The following PRPF38A variants were observed in gnomAD, a reference collection of about 807,000 sequenced individuals.
The protein encoded by PRPF38A is pre-mRNA-splicing factor 38A.
Under a neutral mutation model 46.8 loss-of-function variants are expected in PRPF38A, and 11 were observed. That is an observed-to-expected ratio of 0.24 (90% CI 0.15 to 0.39). The LOEUF is 0.39. Among genes scored for constraint, PRPF38A ranks in the 10% least tolerant of loss-of-function variants. The probability of loss-of-function intolerance (pLI) is 1.00; values close to 1 mark genes in which losing one functional copy is unlikely to be tolerated. For missense variants in PRPF38A, 261 were observed against 407.5 expected (o/e 0.64, Z 3.10); for synonymous variants, 124 against 136.2 (o/e 0.91, Z 0.62).
chr1:52,406,536 AG>A (rs1648003505), intron 2 of PRPF38A, among the ~76,000 whole-genome samples: 1 of 146,736 alleles, frequency 6.8e-6, no homozygotes, highest in African/African-American at 2.8e-5. Flanking sequence ...ATGACATTGG[AG>A]AGGTTACTTA....
At chr1:52,406,733 C>T (rs1240830984) in intron 2 of PRPF38A, among the ~76,000 whole-genome samples, 2 of 152,180 alleles carry the variant, frequency 1.3e-5, no homozygotes, top group African/African-American at 4.8e-5. Flanking sequence ...ATAATAGCTT[C>T]TTATGTGCCA....
At position 52,420,252 on chromosome 1, in the gene PRPF38A, G is replaced by T. The variant is rs1648426810; in HGVS notation, c.*3562G>T. The stretch of plus-strand genomic sequence containing the variant: ...CTTTGGGAAAAAACCGCCCAATAAT[G>T]AAATTCAACTAAAGAAGAAATGAAT... On this transcript the variant is annotated 3_prime_UTR_variant, in exon 10 of 10. Coordinates refer to ENST00000257181, the MANE Select transcript of PRPF38A (RefSeq NM_032864.4). 6.6e-6 allele frequency: 1 copy of T among 152,118 alleles called. No individual in the cohort carries two copies. The highest frequency in any genetic ancestry group is 1.5e-5 in the Non-Finnish European group (1 of 68,010). 9.4% of individuals were successfully genotyped at this position (152,118 alleles called of 1,614,324 possible). A position where few individuals can be genotyped will look rare whatever the true frequency, so the allele number is the denominator to read the frequency against.
chr1:52,414,391 G>A (rs1648233054), intron 6 of PRPF38A, among the ~76,000 whole-genome samples: 1 of 152,162 alleles, frequency 6.6e-6, no homozygotes, highest in Admixed American at 6.5e-5. Context: ...TCATGCAAAT[G>A]TTTTTCCAGT....
At chr1:52,412,986 T>C (rs1442329431) in intron 5 of PRPF38A, among the ~76,000 whole-genome samples, 4 of 152,100 alleles carry the variant, frequency 2.6e-5, no homozygotes, top group Non-Finnish European at 4.4e-5. Context: ...TGGGCAAAAG[T>C]GAGACTCCGT....
rs1047465747 is a variant in PRPF38A at position 52,404,696 on chromosome 1, C to T, written c.-54C>T. On this transcript the variant is annotated 5_prime_UTR_variant, in exon 1 of 10. Transcript: ENST00000257181. Reference sequence around the variant, plus strand: ...ATTCCTCTAGGTGCTTTTTCTGAACCTGGATGTGAGGCATTAAAGGATCCG... The same window carrying T: ...ATTCCTCTAGGTGCTTTTTCTGAACTTGGATGTGAGGCATTAAAGGATCCG... The T allele has an allele frequency of 1.9e-6, 3 of 1,582,248 alleles. No individual in the cohort carries two copies. The highest frequency in any genetic ancestry group is 2.6e-6 in the Non-Finnish European group (3 of 1,164,592).
rs183281561 is a variant in PRPF38A at position 52,407,219 on chromosome 1, G to A, written c.291-1350G>A. On this transcript the variant is annotated intron_variant, in intron 2 of 9. Transcript: ENST00000257181. Reference sequence around the variant, plus strand: ...TTTTTACTAGAGACGGCATTTCACCGCGTTAGCCAGGATGGTCCCGATCTC... The same window carrying A: ...TTTTTACTAGAGACGGCATTTCACCACGTTAGCCAGGATGGTCCCGATCTC... 3.0e-3 allele frequency among the ~76,000 whole-genome samples: 462 copies of A among 152,228 alleles called. 3 individuals are homozygous for A. Among genetic ancestry groups the A allele is most frequent in the African/African-American group, 0.011 (445 of 41,550 alleles).
intron 2 of PRPF38A, among the ~76,000 whole-genome samples, chr1:52,406,326 C>T (rs148047089): frequency 8.3e-4 from 126 of 152,214 alleles, no homozygotes; most frequent in African/African-American, 2.7e-3. Context: ...TTGTATTAAT[C>T]TTCTACTTTA....
At chr1:52,408,053 C>T (rs1173315477) in intron 2 of PRPF38A, among the ~76,000 whole-genome samples, 1 of 152,058 alleles carries the variant, frequency 6.6e-6, no homozygotes. Context: ...AAGATTCTGT[C>T]TCAAGAAATA....
At position 52,404,632 on chromosome 1, in the gene PRPF38A, C is replaced by T. The variant is rs948617649; in HGVS notation, c.-118C>T. The T allele has an allele frequency of 2.6e-6, 3 of 1,151,398 alleles. No individual in the cohort carries two copies. The highest frequency in any genetic ancestry group is 3.1e-5 in the African/African-American group (2 of 64,376). 71.3% of individuals were successfully genotyped at this position (1,151,398 alleles called of 1,614,324 possible). A position where few individuals can be genotyped will look rare whatever the true frequency, so the allele number is the denominator to read the frequency against. Reference sequence around the variant, plus strand: ...ACGGTGTTTCCGGCTTCAAGATGGTCGCCTAAGCTGTTTAGTGAAACTTCT... The same window carrying T: ...ACGGTGTTTCCGGCTTCAAGATGGTTGCCTAAGCTGTTTAGTGAAACTTCT... On this transcript the variant is annotated 5_prime_UTR_variant, in exon 1 of 10. Transcript: ENST00000257181.
intron 2 of PRPF38A, among the ~76,000 whole-genome samples, chr1:52,406,530 C>T (rs1254176675): frequency 2.0e-5 from 3 of 146,852 alleles, no homozygotes; most frequent in African/African-American, 2.8e-5. Flanking sequence ...TTAACTATGA[C>T]ATTGGAGAGG....
chr1:52,419,356 CAAAA>C lies in PRPF38A; in HGVS notation c.*2679_*2682del, dbSNP rs58201258. ...GGGCAAAAAGAGCGAAACTCCATCTCAAAAAAAAAAAAAAAAGAAGAAGAAGAAT... is the reference window on the plus strand; with the variant it reads ...GGGCAAAAAGAGCGAAACTCCATCTCAAAAAAAAAAAAGAAGAAGAAGAAT... On this transcript the variant is annotated 3_prime_UTR_variant, in exon 10 of 10. Coordinates refer to ENST00000257181, the MANE Select transcript of PRPF38A (RefSeq NM_032864.4). The C allele has an allele frequency of 2.6e-4, 24 of 92,334 alleles. No homozygotes were observed. Among genetic ancestry groups the C allele is most frequent in the East Asian group, 6.9e-4 (2 of 2,886 alleles). The allele number at this position is 92,334 out of a possible 1,614,324, so 5.7% of individuals were successfully genotyped here.
At chr1:52,408,521 C>T in intron 2 of PRPF38A, 48 bp from the exon 3 acceptor site, 1 of 1,613,114 alleles carries the variant, frequency 6.2e-7, no homozygotes, top group Non-Finnish European at 8.5e-7. Flanking sequence ...TTGTAAAACT[C>T]AGGAACTTCT....
At chr1:52,414,598 T>G (rs1030181449) in intron 6 of PRPF38A, 23 bp from the exon 7 acceptor site, 16 of 1,612,630 alleles carry the variant, frequency 9.9e-6, no homozygotes, top group African/African-American at 2.7e-5. Context: ...ACCTAGGCTT[T>G]CTTCTTCCTC....
In PRPF38A at chr1:52,408,842, G is replaced by C. The variant is rs1261596832; in HGVS notation, c.412+152G>C. On this transcript the variant is annotated intron_variant, in intron 3 of 9. Coordinates refer to ENST00000257181, the MANE Select transcript of PRPF38A (RefSeq NM_032864.4). ...TGCAGGTTTTCCCTTGTCCCTCATG[G>C]GAGTTTTCAGTCTGACTACTAGCTT... 12 of 918,662 alleles carry C rather than the reference G, an allele frequency of 1.3e-5. No individual in the cohort carries two copies. The East Asian group carries it at 3.3e-4, about 25-fold the overall frequency. The allele number at this position is 918,662 out of a possible 1,614,324, so 56.9% of individuals were successfully genotyped here. A position where few individuals can be genotyped will look rare whatever the true frequency, so the allele number is the denominator to read the frequency against.
At chr1:52,412,162 A>G (rs1207541603) in intron 4 of PRPF38A, among the ~76,000 whole-genome samples, 3 of 152,162 alleles carry the variant, frequency 2.0e-5, no homozygotes, top group African/African-American at 4.8e-5. Flanking sequence ...GGCCTCTTCT[A>G]GTGGAACTAC....
chr1:52,419,358 A>G lies in PRPF38A; in HGVS notation c.*2668A>G, dbSNP rs1648403155. The G allele has an allele frequency of 7.7e-6, 1 of 129,414 alleles. No homozygotes were observed. The allele number at this position is 129,414 out of a possible 1,614,324, so 8.0% of individuals were successfully genotyped here. A position where few individuals can be genotyped will look rare whatever the true frequency, so the allele number is the denominator to read the frequency against. On this transcript the variant is annotated 3_prime_UTR_variant, in exon 10 of 10. Coordinates refer to ENST00000257181, the MANE Select transcript of PRPF38A (RefSeq NM_032864.4). ...GCAAAAAGAGCGAAACTCCATCTCA[A>G]AAAAAAAAAAAAAAGAAGAAGAAGA...
chr1:52,419,668 CA>C lies in PRPF38A; in HGVS notation c.*2982del, dbSNP rs1396519716. 6.6e-6 allele frequency: 1 copy of C among 151,024 alleles called. No individual in the cohort carries two copies. The highest frequency in any genetic ancestry group is 1.5e-5 in the Non-Finnish European group (1 of 67,802). 9.4% of individuals were successfully genotyped at this position (151,024 alleles called of 1,614,324 possible). On this transcript the variant is annotated 3_prime_UTR_variant, in exon 10 of 10. Transcript: ENST00000257181. ...TTTAAAGGCCTTATACTAGAAACCA[CA>C]AAACATAAAACAGCACAGAGAAAAT... is the stretch of plus-strand genomic sequence containing the variant.
At chr1:52,407,178 C>T (rs1043480839) in intron 2 of PRPF38A, among the ~76,000 whole-genome samples, 1 of 152,082 alleles carries the variant, frequency 6.6e-6, no homozygotes, top group Admixed American at 6.6e-5. Flanking sequence ...CCACTACACC[C>T]GGCTAATTTT....
At chr1:52,412,220 T>G (rs1156362463) in intron 4 of PRPF38A, among the ~76,000 whole-genome samples, 1 of 152,222 alleles carries the variant, frequency 6.6e-6, no homozygotes, top group Non-Finnish European at 1.5e-5. Context: ...TGTGAAGCCC[T>G]TACTTTTGGT....
Sources: allele counts gnomAD v4.1 joint callset (sites outside exome capture counted in the v4.1 genomes callset), GRCh38; gene constraint gnomAD v4.1.1; transcripts MANE v1.5; gene names NCBI Gene and HGNC (gene_info 2026-07-23, HGNC 2026-07-21).